The following RAB40C variants were observed in gnomAD, a reference collection of about 807,000 sequenced individuals.
The protein encoded by RAB40C is RAB40C, member RAS oncogene family.
In RAB40C, 8 loss-of-function variants were observed where a neutral mutation model predicts 28.1. That is an observed-to-expected ratio of 0.28 (90% CI 0.17 to 0.51). The LOEUF (loss-of-function observed/expected upper bound fraction) is 0.51, where lower values mean the gene tolerates loss of function less well. RAB40C is among the 20% of genes least tolerant of loss of function. RAB40C has a pLI of 0.97. For missense variants in RAB40C, 288 were observed against 405.9 expected (o/e 0.71, Z 2.50); for synonymous variants, 201 against 171.7 (o/e 1.17, Z -1.34).
At chr16:608,533 C>T (rs989485869) in intron 1 of RAB40C, among the ~76,000 whole-genome samples, 12 of 152,194 alleles carry the variant, frequency 7.9e-5, no homozygotes, top group African/African-American at 2.9e-4. Flanking sequence ...ACCCAGGCCC[C>T]TTCTAGACAA....
chr16:607,516 ACGG>A (rs1714410783), intron 1 of RAB40C, among the ~76,000 whole-genome samples: 1 of 150,230 alleles, frequency 6.7e-6, no homozygotes, highest in Non-Finnish European at 1.5e-5. Context: ...AAAAAAAAAA[ACGG>A]GGGGCCGGGC....
intron 1 of RAB40C, among the ~76,000 whole-genome samples, chr16:600,527 C>T (rs1035915898): frequency 5.3e-5 from 8 of 152,222 alleles, no homozygotes; most frequent in African/African-American, 1.4e-4. Context: ...CCGAGGCGGG[C>T]GGATCACAAG....
At chr16:613,941 G>A (rs910542128) in intron 1 of RAB40C, among the ~76,000 whole-genome samples, 9 of 152,172 alleles carry the variant, frequency 5.9e-5, no homozygotes, top group African/African-American at 1.9e-4. Context: ...AGCTTCACAC[G>A]CAGCTCGGGA....
intron 1 of RAB40C, among the ~76,000 whole-genome samples, chr16:613,673 A>G (rs552256490): frequency 1.3e-4 from 20 of 152,112 alleles, no homozygotes; most frequent in Admixed American, 2.6e-4. Context: ...CCCTTTTTTT[A>G]AAGTATAATT....
Position 617,286 on chromosome 16 carries a change from C to T in RAB40C, c.203+18C>T, listed in dbSNP as rs780192394. The T allele has an allele frequency of 1.2e-6, 2 of 1,613,918 alleles. No individual in the cohort carries two copies. The highest frequency in any genetic ancestry group is 1.7e-4 in the Middle Eastern group (1 of 6,060). ...GAGCTCTGGTGAGTTGGGGCTGCGG[C>T]ACTTCAGTTCCTGGGTGAGGACACA... On this transcript the variant is annotated intron_variant, in intron 2 of 5. Coordinates refer to ENST00000248139, the MANE Select transcript of RAB40C (RefSeq NM_021168.5).
At chr16:622,633 G>A (rs935121657) in intron 3 of RAB40C, among the ~76,000 whole-genome samples, 2 of 152,154 alleles carry the variant, frequency 1.3e-5, no homozygotes, top group African/African-American at 2.4e-5. Flanking sequence ...TCAGGCTCCC[G>A]AGTAGCTAGA....
At chr16:601,815 TAAAAA>T (rs60094426) in intron 1 of RAB40C, among the ~76,000 whole-genome samples, 35 of 27,200 alleles carry the variant, frequency 1.3e-3, no homozygotes, top group Non-Finnish European at 1.4e-3. Flanking sequence ...CAAAAAAAAG[TAAAAA>T]AAAAAAAAAA....
chr16:601,815 TAA>T (rs60094426), intron 1 of RAB40C, among the ~76,000 whole-genome samples: 308 of 27,200 alleles, frequency 0.011, no homozygotes, highest in African/African-American at 0.032. Context: ...CAAAAAAAAG[TAA>T]AAAAAAAAAA....
At chr16:599,993 G>T (rs2036215496) in intron 1 of RAB40C, among the ~76,000 whole-genome samples, 1 of 126,898 alleles carries the variant, frequency 7.9e-6, no homozygotes, top group Non-Finnish European at 1.7e-5. Context: ...GCAAGGTTTT[G>T]TTCCCTCGTG....
In RAB40C at chr16:604,042, G is replaced by A. The variant is rs150506239; in HGVS notation, c.143-13166G>A. Among the ~76,000 whole-genome samples, 362 of 150,718 alleles carry A rather than the reference G, an allele frequency of 2.4e-3. 4 individuals carry two copies. The highest frequency in any genetic ancestry group is 8.5e-3 in the African/African-American group (350 of 41,292). On this transcript the variant is annotated intron_variant, in intron 1 of 5. Transcript: ENST00000248139. ...TTACGAATAATGCTGATGTGAACGAGTTCTTCTTTTTTCTTTTTCTTTTTT... is the reference window on the plus strand; with the variant it reads ...TTACGAATAATGCTGATGTGAACGAATTCTTCTTTTTTCTTTTTCTTTTTT...
At chr16:618,594 T>C (rs55748561) in intron 3 of RAB40C, among the ~76,000 whole-genome samples, 1 of 147,358 alleles carries the variant, frequency 6.8e-6, no homozygotes, top group African/African-American at 2.5e-5. Context: ...CTCAGGGCCA[T>C]GTGTGTGTGC....
chr16:622,328 A>G (rs2151079413), intron 3 of RAB40C, among the ~76,000 whole-genome samples: 1 of 152,292 alleles, frequency 6.6e-6, no homozygotes, highest in East Asian at 1.9e-4. Flanking sequence ...GCCTGAGCTC[A>G]GGGCGTGCGG....
At chr16:624,243 G>A (rs1366630860) in intron 3 of RAB40C, 3 of 985,356 alleles carry the variant, frequency 3.0e-6, no homozygotes, top group South Asian at 4.7e-5. Context: ...TGTGTTGTAC[G>A]CTTTGGTGGC....
Position 590,184 on chromosome 16 carries a change from TGGGGCGGACGCAACGGGCGCA to T in RAB40C, c.-105_-85del. 1 of 825,444 alleles carries T rather than the reference TGGGGCGGACGCAACGGGCGCA, an allele frequency of 1.2e-6. No homozygotes were observed. Among genetic ancestry groups the T allele is most frequent in the South Asian group, 5.4e-5 (1 of 18,616 alleles). 51.1% of individuals were successfully genotyped at this position (825,444 alleles called of 1,614,324 possible). On this transcript the variant is annotated 5_prime_UTR_variant, in exon 1 of 6. Transcript: ENST00000248139. ...TTCGGGCGCGCCCACTCGGCCGCCG[TGGGGCGGACGCAACGGGCGCA>T]GGTGCGGGGCGCGGGCTCTCTCACG...
intron 2 of RAB40C, among the ~76,000 whole-genome samples, 184 bp from the exon 3 acceptor site, chr16:618,016 T>C (rs1309279225): frequency 1.3e-5 from 2 of 152,154 alleles, no homozygotes; most frequent in Non-Finnish European, 2.9e-5. Context: ...CCTGCCTGGC[T>C]CAGCGGCACG....
At chr16:614,178 C>T (rs1399580763) in intron 1 of RAB40C, among the ~76,000 whole-genome samples, 3 of 99,356 alleles carry the variant, frequency 3.0e-5, no homozygotes, top group South Asian at 4.0e-4. Context: ...GGTGAACTGC[C>T]GAACTCTACC....
intron 1 of RAB40C, among the ~76,000 whole-genome samples, chr16:597,487 T>A (rs1489908606): frequency 2.0e-5 from 3 of 151,376 alleles, no homozygotes; most frequent in Non-Finnish European, 1.5e-5. Flanking sequence ...TTTTTTTTTT[T>A]AATTTTTATT....
chr16:607,961 A>C (rs1255292032), intron 1 of RAB40C, among the ~76,000 whole-genome samples: 3 of 151,972 alleles, frequency 2.0e-5, no homozygotes, highest in East Asian at 3.9e-4. Context: ...CCCCCTCTGA[A>C]GGGTGCCTGA....
At chr16:615,715 A>T (rs962599471) in intron 1 of RAB40C, among the ~76,000 whole-genome samples, 3 of 152,196 alleles carry the variant, frequency 2.0e-5, no homozygotes, top group African/African-American at 7.2e-5. Flanking sequence ...TAATCCCAGC[A>T]CTTTGGGAGG....
Sources: allele counts gnomAD v4.1 joint callset (sites outside exome capture counted in the v4.1 genomes callset), GRCh38; gene constraint gnomAD v4.1.1; transcripts MANE v1.5; gene names NCBI Gene and HGNC (gene_info 2026-07-23, HGNC 2026-07-21).